MEIKIN: variants seen among roughly 807,000 people sequenced by gnomAD.
MEIKIN encodes the protein meiosis-specific kinetochore protein.
intron 5 of MEIKIN, among the ~76,000 whole-genome samples, chr5:131,922,766 T>C (rs1363637777): frequency 6.6e-6 from 1 of 152,234 alleles, no homozygotes; most frequent in Admixed American, 6.5e-5. Flanking sequence ...GTTAGATCAA[T>C]ATTCATATAG....
intron 8 of MEIKIN, among the ~76,000 whole-genome samples, chr5:131,889,468 A>T (rs915969214): frequency 1.3e-5 from 2 of 152,104 alleles, no homozygotes; most frequent in Admixed American, 6.6e-5. Context: ...ATTCTCTTTG[A>T]AGCCATTGTG....
chr5:131,815,928 C>G (rs551602915), intron 12 of MEIKIN, among the ~76,000 whole-genome samples: 1 of 152,200 alleles, frequency 6.6e-6, no homozygotes, highest in South Asian at 2.1e-4. Context: ...ATACCTGTTA[C>G]GATCACCTGA....
intron 5 of MEIKIN, among the ~76,000 whole-genome samples, chr5:131,932,995 A>C (rs951483263): frequency 6.6e-6 from 1 of 152,032 alleles, no homozygotes; most frequent in Non-Finnish European, 1.5e-5. Flanking sequence ...CTTTGTCCTT[A>C]TGAGCGTATT....
intron 11 of MEIKIN, among the ~76,000 whole-genome samples, chr5:131,825,535 G>A (rs1561723711): frequency 6.6e-6 from 1 of 152,194 alleles, no homozygotes. Flanking sequence ...CTTGAGGTCA[G>A]GGTTTCTATT....
At chr5:131,863,461 A>G (rs981182504) in intron 9 of MEIKIN, among the ~76,000 whole-genome samples, 30 of 150,832 alleles carry the variant, frequency 2.0e-4, no homozygotes, top group Admixed American at 3.3e-4. Flanking sequence ...TGCTTTATAC[A>G]TCTGAGTGCA....
intron 9 of MEIKIN, among the ~76,000 whole-genome samples, chr5:131,869,818 G>T (rs903454714): frequency 1.3e-5 from 2 of 152,202 alleles, no homozygotes; most frequent in Admixed American, 1.3e-4. Flanking sequence ...CCTGGCAATG[G>T]TTCCCATGGA....
At chr5:131,885,689 G>A (rs1322266994) in intron 8 of MEIKIN, among the ~76,000 whole-genome samples, 1 of 152,084 alleles carries the variant, frequency 6.6e-6, no homozygotes, top group Non-Finnish European at 1.5e-5. Flanking sequence ...AAACTTACAA[G>A]AAATAGCTAA....
At chr5:131,881,417 C>T (rs1271278857) in intron 8 of MEIKIN, among the ~76,000 whole-genome samples, 1 of 152,170 alleles carries the variant, frequency 6.6e-6, no homozygotes, top group East Asian at 1.9e-4. Flanking sequence ...GGATATTTCT[C>T]CCTTTCCCTA....
In MEIKIN at chr5:131,932,453, T is replaced by C. The variant is rs552279671; in HGVS notation, c.478+1060A>G. ...GGGGTTCCACGAGAGAGGCAGAAGC[T>C]AATTAGGGTCCATTCTCATGATAAT... On this transcript the variant is annotated intron_variant, in intron 5 of 12. Coordinates refer to ENST00000442687, the MANE Select transcript of MEIKIN (RefSeq NM_001303622.2). Among the ~76,000 whole-genome samples the C allele has an allele frequency of 2.0e-5, 3 of 152,328 alleles. No individual in the cohort carries two copies. In the South Asian group the frequency reaches 6.2e-4, roughly 32 times the overall value.
intron 8 of MEIKIN, among the ~76,000 whole-genome samples, chr5:131,893,493 C>G (rs752202782): frequency 1.3e-5 from 2 of 152,214 alleles, no homozygotes; most frequent in Admixed American, 6.5e-5. Flanking sequence ...ATCTGTCACC[C>G]CTTTCTTTGA....
At chr5:131,919,314 T>C (rs1242801346) in intron 6 of MEIKIN, among the ~76,000 whole-genome samples, 2 of 152,156 alleles carry the variant, frequency 1.3e-5, no homozygotes, top group African/African-American at 4.8e-5. Flanking sequence ...GGAGGAAAAT[T>C]TGGCAATATC....
intron 8 of MEIKIN, among the ~76,000 whole-genome samples, chr5:131,901,570 G>T (rs1188301208): frequency 1.3e-5 from 2 of 152,198 alleles, no homozygotes; most frequent in Non-Finnish European, 2.9e-5. Flanking sequence ...CCTGTGAAGA[G>T]CTTTGGCTGG....
At chr5:131,886,802 T>C (rs889863699) in intron 8 of MEIKIN, among the ~76,000 whole-genome samples, 1 of 152,124 alleles carries the variant, frequency 6.6e-6, no homozygotes, top group Middle Eastern at 3.2e-3. Flanking sequence ...CTCTTATCTC[T>C]TTATTTTTTA....
chr5:131,807,052 T>C lies in MEIKIN; in HGVS notation c.*184A>G. 2 of 384,284 alleles carry C rather than the reference T, an allele frequency of 5.2e-6. No individual in the cohort carries two copies. Among genetic ancestry groups the C allele is most frequent in the Non-Finnish European group, 9.2e-6 (2 of 217,860 alleles). The allele number at this position is 384,284 out of a possible 1,614,324, so 23.8% of individuals were successfully genotyped here. A position where few individuals can be genotyped will look rare whatever the true frequency, so the allele number is the denominator to read the frequency against. Reference sequence around the variant, plus strand: ...AAGAAGCATATGGAATAATTTTTTTTCTTAACTGATTAAAAGTAAATGACA... The same window carrying C: ...AAGAAGCATATGGAATAATTTTTTTCCTTAACTGATTAAAAGTAAATGACA... On this transcript the variant is annotated 3_prime_UTR_variant, in exon 13 of 13. Coordinates refer to ENST00000442687, the MANE Select transcript of MEIKIN (RefSeq NM_001303622.2).
intron 11 of MEIKIN, among the ~76,000 whole-genome samples, chr5:131,843,813 A>T (rs555480265): frequency 4.1e-4 from 63 of 152,284 alleles, no homozygotes; most frequent in Admixed American, 9.8e-4. Context: ...GTCTCTGCCC[A>T]TTACTCAGTT....
intron 12 of MEIKIN, among the ~76,000 whole-genome samples, chr5:131,816,885 A>G (rs1773112768): frequency 6.6e-6 from 1 of 152,206 alleles, no homozygotes; most frequent in Non-Finnish European, 1.5e-5. Flanking sequence ...TCAATTTTAG[A>G]TATCAATTTG....
chr5:131,939,601 G>A (rs1049688560), intron 4 of MEIKIN, among the ~76,000 whole-genome samples: 3 of 151,860 alleles, frequency 2.0e-5, no homozygotes, highest in South Asian at 2.1e-4. Flanking sequence ...ATTTTTCAAC[G>A]TGTTATAAAG....
At chr5:131,881,156 G>T (rs1347684312) in intron 8 of MEIKIN, among the ~76,000 whole-genome samples, 2 of 152,152 alleles carry the variant, frequency 1.3e-5, no homozygotes, top group African/African-American at 4.8e-5. Flanking sequence ...AAGTGTTAAG[G>T]ATAACCTTCA....
chr5:131,848,842 C>T (rs570146718), intron 11 of MEIKIN, among the ~76,000 whole-genome samples: 11 of 152,134 alleles, frequency 7.2e-5, no homozygotes, highest in South Asian at 4.2e-4. Flanking sequence ...GGGTTTTATT[C>T]GTGGAATGCA....
Sources: allele counts gnomAD v4.1 joint callset (sites outside exome capture counted in the v4.1 genomes callset), GRCh38; gene constraint gnomAD v4.1.1; transcripts MANE v1.5; gene names NCBI Gene and HGNC (gene_info 2026-07-23, HGNC 2026-07-21).